The following MOV10 variants were observed in gnomAD, a reference collection of about 807,000 sequenced individuals.
MOV10 encodes RNA helicase MOV-10.
A neutral mutation model predicts 108.4 loss-of-function variants in MOV10; 39 were observed. The ratio of observed to expected loss-of-function variants is 0.36; its 90% CI spans 0.28 to 0.47. The LOEUF (loss-of-function observed/expected upper bound fraction) is 0.47, where lower values mean the gene tolerates loss of function less well. MOV10 is among the 20% of genes least tolerant of loss of function. The pLI, the probability that MOV10 is intolerant of heterozygous loss-of-function variation, is 1.00. For synonymous variants in MOV10, 490 were observed against 523.1 expected, an observed-to-expected ratio of 0.94 and a Z score of 0.86; for missense variants, 952 against 1,297.6, an observed-to-expected ratio of 0.73 and a Z score of 4.09.
intron 14 of MOV10, chr1:112,697,745 A>G (rs1255008628): frequency 1.2e-5 from 5 of 402,196 alleles, no homozygotes; most frequent in Non-Finnish European, 2.3e-5. Flanking sequence ...ATGGGCCCCT[A>G]ATTATTTAGT....
chr1:112,679,819 A>T (rs1270920851), intron 2 of MOV10, among the ~76,000 whole-genome samples: 1 of 152,158 alleles, frequency 6.6e-6, no homozygotes, highest in African/African-American at 2.4e-5. Context: ...TTCTGATGTT[A>T]GAGCTTTGGG....
chr1:112,699,171 A>G, intron 17 of MOV10: 1 of 220,688 alleles, frequency 4.5e-6, no homozygotes, highest in Non-Finnish European at 8.9e-6. Flanking sequence ...AGCTTTTAAT[A>G]CCCCGCCCCC....
In MOV10 at chr1:112,698,496, C is replaced by T. The variant is rs927160305; in HGVS notation, c.2508+18C>T. On this transcript the variant is annotated intron_variant, in intron 16 of 20. Transcript: ENST00000369645. ...GGAAACAGGTCAGGTCCTCAGTTAC[C>T]AGCAAGGGTGGGGCCCCTCCCCCAG... 4.3e-6 allele frequency: 7 copies of T among 1,611,314 alleles called. No individual in the cohort carries two copies. Among genetic ancestry groups the T allele is most frequent in the Middle Eastern group, 3.3e-4 (2 of 6,032 alleles).
chr1:112,684,151 C>T (rs938532710), intron 2 of MOV10, among the ~76,000 whole-genome samples: 2 of 150,864 alleles, frequency 1.3e-5, no homozygotes, highest in African/African-American at 4.9e-5. Context: ...AGACAGGGAC[C>T]TGCTATGTTT....
At chr1:112,687,748 G>A (rs566741380) in intron 2 of MOV10, among the ~76,000 whole-genome samples, 1 of 152,258 alleles carries the variant, frequency 6.6e-6, no homozygotes, top group South Asian at 2.1e-4. Flanking sequence ...TGTGCTAAGT[G>A]GTTCTCTGCC....
At position 112,692,797 on chromosome 1, in the gene MOV10, T is replaced by A; in HGVS notation, c.1008T>A (p.Tyr336Ter). The change falls in exon 7 of 21, where the codon TAT becomes TAA. Residue 336 changes from tyrosine (Y) to a stop codon, truncating the protein, a stop_gained. Transcript: ENST00000369645. LOFTEE classifies it high-confidence loss of function. ...QLETALKWRN[Y>*]EVKLRLLLHL... ...AGACAGCCCTGAAGTGGAGGAACTA[T>A]GAGGTGAAGCTGCGGCTGCTGCTGC... is the stretch of plus-strand genomic sequence containing the variant. 1 of 1,614,098 alleles carries A rather than the reference T, an allele frequency of 6.2e-7. No homozygotes were observed. The highest frequency in any genetic ancestry group is 8.5e-7 in the Non-Finnish European group (1 of 1,180,022).
chr1:112,693,277 C>T (rs563855357), intron 7 of MOV10, among the ~76,000 whole-genome samples: 101 of 152,284 alleles, frequency 6.6e-4, no homozygotes, highest in African/African-American at 2.2e-3. Flanking sequence ...AAATTACACA[C>T]GAGAATGGAT....
chr1:112,699,557 T>C, intron 17 of MOV10, 128 bp from the exon 18 acceptor site: 8 of 1,520,070 alleles, frequency 5.3e-6, no homozygotes, highest in Non-Finnish European at 7.0e-6. Flanking sequence ...GTCGCAGCAC[T>C]GGTTCACTCA....
chr1:112,691,794 G>C lies in MOV10; in HGVS notation c.966G>C (p.Glu322Asp), dbSNP rs776526998. Residue 322 changes from glutamate (E) to aspartate (D), a missense_variant, in exon 6 of 21, where the codon GAG (glutamate) becomes GAC (aspartate). By Grantham distance (45) the Glu-to-Asp change is conservative. Coordinates refer to ENST00000369645, the MANE Select transcript of MOV10 (RefSeq NM_001321324.2). ...SIFTAPKEIA[E>D]IKAQLETALK... is the part of the protein sequence containing the mutation. ...TCACTGCCCCTAAGGAGATCGCAGA[G>C]ATCAAGTAAGTACCATCCCTCTGCA... 6 of 1,613,624 alleles carry C rather than the reference G, an allele frequency of 3.7e-6. No individual in the cohort carries two copies. The highest frequency in any genetic ancestry group is 3.4e-6 in the Non-Finnish European group (4 of 1,179,626).
chr1:112,680,297 A>G (rs1672520092), intron 2 of MOV10, among the ~76,000 whole-genome samples: 1 of 152,138 alleles, frequency 6.6e-6, no homozygotes, highest in African/African-American at 2.4e-5. Context: ...TAATCAAGCA[A>G]GTAGTTGGAA....
In MOV10 at chr1:112,694,672, G is replaced by A. The variant is rs1231258098; in HGVS notation, c.1472+43G>A. On this transcript the variant is annotated intron_variant, in intron 9 of 20. Coordinates refer to ENST00000369645, the MANE Select transcript of MOV10 (RefSeq NM_001321324.2). This position sits in a 1 kb window ranked among gnomAD's most constrained non-coding sequence, Gnocchi z 4.1. ...GAGCTTCTGGAGCCACTTGGAGTGT[G>A]GGCACAGGGGGTGGAGTCAGGGAGG... 3 of 1,591,684 alleles carry A rather than the reference G, an allele frequency of 1.9e-6. No homozygotes were observed. Among genetic ancestry groups the A allele is most frequent in the Non-Finnish European group, 2.6e-6 (3 of 1,166,838 alleles).
chr1:112,680,710 T>C (rs1458427969), intron 2 of MOV10, among the ~76,000 whole-genome samples: 5 of 146,502 alleles, frequency 3.4e-5, no homozygotes, highest in African/African-American at 1.0e-4. Context: ...TTTATCTCTT[T>C]TTTTTTTTTT....
At chr1:112,691,050 G>A (rs928988145) in intron 5 of MOV10, among the ~76,000 whole-genome samples, 3 of 151,688 alleles carry the variant, frequency 2.0e-5, no homozygotes, top group Admixed American at 2.0e-4. Flanking sequence ...AGGCTGAGGC[G>A]GGCAGATCAC....
chr1:112,693,028 A>G, intron 7 of MOV10, 99 bp downstream of exon 7: 4 of 1,196,168 alleles, frequency 3.3e-6, no homozygotes, highest in African/African-American at 1.5e-5. Context: ...AACAAGAGGA[A>G]AGTTGAAGTG....
Position 112,691,667 on chromosome 1 carries a change from C to CTAAGGG in MOV10, c.840_845dup (p.Lys281_Gly282dup). Reference sequence around the variant, plus strand: ...GTTTTCTTCCCTCGATTCTGCAGCGCTAAGGGCTATGACCTGGAGTTAAGT... The same window carrying CTAAGGG: ...GTTTTCTTCCCTCGATTCTGCAGCGCTAAGGGTAAGGGCTATGACCTGGAGTTAAGT... On this transcript the variant is annotated inframe_insertion, in exon 6 of 21. Transcript: ENST00000369645. 1 of 1,613,982 alleles carries CTAAGGG rather than the reference C, an allele frequency of 6.2e-7. No individual in the cohort carries two copies. The highest frequency in any genetic ancestry group is 8.5e-7 in the Non-Finnish European group (1 of 1,179,946).
intron 2 of MOV10, among the ~76,000 whole-genome samples, chr1:112,680,957 C>T (rs955588219): frequency 1.3e-5 from 2 of 151,848 alleles, no homozygotes; most frequent in Non-Finnish European, 2.9e-5. Flanking sequence ...CTGCCTTGAC[C>T]TCCCAAAGTG....
At chr1:112,689,726 C>T (rs1673408542) in intron 4 of MOV10, 76 bp downstream of exon 4, 5 of 1,583,456 alleles carry the variant, frequency 3.2e-6, no homozygotes, top group Non-Finnish European at 4.3e-6. Flanking sequence ...GGGAAACACA[C>T]TGTCACTGTC....
intron 2 of MOV10, among the ~76,000 whole-genome samples, chr1:112,682,605 G>A (rs1052158858): frequency 2.6e-5 from 4 of 152,208 alleles, no homozygotes; most frequent in African/African-American, 9.6e-5. Context: ...CATCACTCCA[G>A]AAAGCTCCCT....
At chr1:112,684,756 T>C (rs927067207) in intron 2 of MOV10, among the ~76,000 whole-genome samples, 9 of 152,204 alleles carry the variant, frequency 5.9e-5, no homozygotes, top group Non-Finnish European at 1.3e-4. Flanking sequence ...TAAAATAATA[T>C]CTCATTTATA....
Sources: allele counts gnomAD v4.1 joint callset (sites outside exome capture counted in the v4.1 genomes callset), GRCh38; gene constraint gnomAD v4.1.1; non-coding constraint Gnocchi (gnomAD v3.1); transcripts MANE v1.5; gene names NCBI Gene and HGNC (gene_info 2026-07-23, HGNC 2026-07-21).